The following CERS3 variants were observed in gnomAD, a reference collection of about 807,000 sequenced individuals.
CERS3 encodes the protein ceramide synthase 3.
In CERS3, 33 loss-of-function variants were observed where a neutral mutation model predicts 50.3. That is an observed-to-expected ratio of 0.66 (90% CI 0.50 to 0.88). CERS3 has a LOEUF of 0.88. CERS3 is among the 40% of genes least tolerant of loss of function. The pLI is 0.00. For synonymous variants in CERS3, 176 were observed against 155.2 expected (o/e 1.13, Z -0.99); for missense variants, 470 against 460.3 (o/e 1.02, Z -0.19).
At chr15:100,472,721 G>A (rs73472039) in intron 9 of CERS3, among the ~76,000 whole-genome samples, 1 of 152,096 alleles carries the variant, frequency 6.6e-6, no homozygotes, top group Admixed American at 6.5e-5. Flanking sequence ...CATCTCTCTA[G>A]TACCATGGAG....
chr15:100,501,867 A>G lies in CERS3; in HGVS notation c.-1-17T>C. On this transcript the variant is annotated splice_polypyrimidine_tract_variant and intron_variant, in intron 2 of 11. Transcript: ENST00000679737. ...CAAAACATTCTAGAGAAATGGAAAC[A>G]GACATTAGGCTTGTAAAACAAACAC... 1 of 1,612,422 alleles carries G rather than the reference A, an allele frequency of 6.2e-7. No homozygotes were observed. The highest frequency in any genetic ancestry group is 8.5e-7 in the Non-Finnish European group (1 of 1,179,050).
In CERS3 at chr15:100,450,830, G is replaced by C. The variant is rs575173891; in HGVS notation, c.999+5063C>G. Among the ~76,000 whole-genome samples the C allele has an allele frequency of 2.6e-5, 4 of 152,096 alleles. No homozygotes were observed. The South Asian group carries it at 6.2e-4, about 24-fold the overall frequency. ...CAGAAATGTGTCTAGTCACCTGTAA[G>C]GGAACCATCATCGGACTAACAACAG... On this transcript the variant is annotated intron_variant, in intron 11 of 11. Transcript: ENST00000679737.
At position 100,412,280 on chromosome 15, in the gene CERS3, A is replaced by G. The variant is rs575118881; in HGVS notation, c.1000-9415T>C. ...TAAGGGTCCAACTTCATTCTTTTGC[A>G]TGTGGATATTCAGTTTTCCCAGCAC... On this transcript the variant is annotated intron_variant, in intron 11 of 11. Coordinates refer to ENST00000679737, the MANE Select transcript of CERS3 (RefSeq NM_001378789.1). Among the ~76,000 whole-genome samples the G allele has an allele frequency of 2.1e-4, 32 of 152,182 alleles. No homozygotes were observed. The South Asian group carries it at 6.4e-3, about 31-fold the overall frequency.
intron 11 of CERS3, among the ~76,000 whole-genome samples, chr15:100,411,308 C>T (rs1322943235): frequency 6.6e-6 from 1 of 152,088 alleles, no homozygotes; most frequent in Non-Finnish European, 1.5e-5. Flanking sequence ...GTTACAGGTG[C>T]CCACCACCAT....
intron 11 of CERS3, among the ~76,000 whole-genome samples, chr15:100,447,129 C>T (rs913711278): frequency 6.6e-6 from 1 of 152,088 alleles, no homozygotes; most frequent in African/African-American, 2.4e-5. Context: ...TCCTCTGATC[C>T]AGGAGAGAAT....
At chr15:100,446,198 A>G (rs1267433076) in intron 11 of CERS3, among the ~76,000 whole-genome samples, 2 of 152,210 alleles carry the variant, frequency 1.3e-5, no homozygotes, top group East Asian at 3.9e-4. Flanking sequence ...ACAGACGTGC[A>G]TGAAAACAAC....
At chr15:100,462,292 A>G (rs982414674) in intron 10 of CERS3, among the ~76,000 whole-genome samples, 1 of 152,210 alleles carries the variant, frequency 6.6e-6, no homozygotes, top group Admixed American at 6.5e-5. Context: ...AGCTCTTCCA[A>G]TCACTGGAGT....
intron 7 of CERS3, among the ~76,000 whole-genome samples, chr15:100,477,407 A>G (rs773996488): frequency 1.8e-4 from 28 of 152,030 alleles, no homozygotes; most frequent in Admixed American, 4.6e-4. Flanking sequence ...GCTTTCTTCT[A>G]TGACAGGACT....
chr15:100,504,558 T>C (rs2036117369), intron 2 of CERS3, among the ~76,000 whole-genome samples: 1 of 152,148 alleles, frequency 6.6e-6, no homozygotes, highest in Admixed American at 6.5e-5. Flanking sequence ...GACTATTCTT[T>C]TATTAGAATT....
At chr15:100,474,031 A>G (rs2142249776) in intron 8 of CERS3, among the ~76,000 whole-genome samples, 1 of 152,358 alleles carries the variant, frequency 6.6e-6, no homozygotes, top group Non-Finnish European at 1.5e-5. Context: ...AGACAAACAT[A>G]AAAGACCAGG....
intron 11 of CERS3, among the ~76,000 whole-genome samples, chr15:100,421,664 T>C (rs1464909532): frequency 3.3e-4 from 49 of 149,660 alleles, no homozygotes; most frequent in East Asian, 1.8e-3. Context: ...GGAGGCATCA[T>C]GCTACCTGAC....
intron 11 of CERS3, among the ~76,000 whole-genome samples, chr15:100,427,989 C>G (rs978774287): frequency 6.6e-6 from 1 of 152,182 alleles, no homozygotes; most frequent in Non-Finnish European, 1.5e-5. Flanking sequence ...TTGGCAGAGT[C>G]AAAACGGCCT....
At chr15:100,544,093 C>T (rs1319548448) in intron 1 of CERS3, 2 of 152,494 alleles carry the variant, frequency 1.3e-5, no homozygotes, top group African/African-American at 4.8e-5. Flanking sequence ...CCTCGGCACC[C>T]AGCAGGAACC....
chr15:100,518,808 T>C (rs1053885628), intron 2 of CERS3, among the ~76,000 whole-genome samples: 1 of 152,230 alleles, frequency 6.6e-6, no homozygotes, highest in African/African-American at 2.4e-5. Flanking sequence ...TTGGGGTCAA[T>C]GTGTTCCTAA....
chr15:100,413,042 C>G (rs1401371738), intron 11 of CERS3, among the ~76,000 whole-genome samples: 2 of 151,844 alleles, frequency 1.3e-5, no homozygotes, highest in Non-Finnish European at 2.9e-5. Context: ...TCCATATAAC[C>G]CAAAATAAAT....
intron 11 of CERS3, among the ~76,000 whole-genome samples, chr15:100,438,935 A>C (rs1206756004): frequency 6.6e-6 from 1 of 152,252 alleles, no homozygotes; most frequent in African/African-American, 2.4e-5. Context: ...AAACAAAAGC[A>C]TACTATTTTC....
chr15:100,456,040 T>C lies in CERS3; in HGVS notation c.852A>G (p.Leu284=). 4 of 1,602,708 alleles carry C rather than the reference T, an allele frequency of 2.5e-6. No individual in the cohort carries two copies. Among genetic ancestry groups the C allele is most frequent in the Non-Finnish European group, 3.4e-6 (4 of 1,175,278 alleles). ...ACATAGGCAAGATCAGCGTGCAATA[T>C]AAAATCCTGAAACACCAAACAGTTG... The part of the protein sequence containing the change: ...SRLIVFPFWI[L]YCTLILPMYH... Residue 284 remains leucine, a synonymous_variant, in exon 11 of 12, where the codon TTA becomes TTG. Transcript: ENST00000679737.
At chr15:100,416,921 A>G (rs2031956760) in intron 11 of CERS3, among the ~76,000 whole-genome samples, 1 of 152,258 alleles carries the variant, frequency 6.6e-6, no homozygotes, top group Non-Finnish European at 1.5e-5. Flanking sequence ...AAAGACAAGA[A>G]CAGATATTTC....
At chr15:100,475,721 T>C (rs2035104796) in intron 8 of CERS3, 1 of 152,754 alleles carries the variant, frequency 6.5e-6, no homozygotes, top group African/African-American at 2.4e-5. Context: ...AAAAGTTGTA[T>C]ATGAAGTGGT....
Sources: gnomAD v4.1 joint callset for allele counts (sites outside exome capture counted in the v4.1 genomes callset) on GRCh38, gnomAD v4.1.1 for gene constraint, MANE v1.5 for transcripts, NCBI Gene and HGNC (gene_info 2026-07-23, HGNC 2026-07-21) for gene names.